Variants in ZNF143 observed in about 807,000 individuals in gnomAD.
ZNF143 encodes zinc finger protein 143.
Under a neutral mutation model 74.1 loss-of-function variants are expected in ZNF143, and 49 were observed. The ratio of observed to expected loss-of-function variants is 0.66; its 90% CI spans 0.53 to 0.84. The LOEUF is 0.84. Among genes scored for constraint, ZNF143 ranks in the 40% least tolerant of loss-of-function variants. ZNF143 has a pLI of 0.00. For missense variants in ZNF143, 637 were observed against 793.4 expected, an observed-to-expected ratio of 0.80 and a Z score of 2.37; for synonymous variants, 304 against 282.8, an observed-to-expected ratio of 1.07 and a Z score of -0.75.
Position 9,497,677 on chromosome 11 carries a change from T to C in ZNF143, c.844T>C (p.Tyr282His). The change falls in exon 10 of 16, where the codon TAT (tyrosine) becomes CAT (histidine). Residue 282 changes from tyrosine to histidine, a missense_variant and splice_region_variant. By Grantham distance (83) the Tyr-to-His change is moderately conservative. This residue lies in a region of ZNF143 where 344 missense variants were observed against 485.6 expected (regional missense o/e 0.71). Coordinates refer to ENST00000396602, the MANE Select transcript of ZNF143 (RefSeq NM_003442.6). ...AGCGKAFATG[Y>H]GLKSHVRTHT... The stretch of plus-strand genomic sequence containing the variant: ...TTTCTTTTAATTTTTTCTTAAAGGT[T>C]ATGGATTAAAAAGTCACGTCAGAAC... 1 of 1,593,564 alleles carries C rather than the reference T, an allele frequency of 6.3e-7. No individual in the cohort carries two copies. The highest frequency in any genetic ancestry group is 8.6e-7 in the Non-Finnish European group (1 of 1,167,680).
intron 1 of ZNF143, among the ~76,000 whole-genome samples, chr11:9,466,917 A>G (rs553049599): frequency 3.2e-4 from 48 of 151,684 alleles, no homozygotes; most frequent in African/African-American, 1.1e-3. Flanking sequence ...TTTTTGACAC[A>G]GAGTCTCTCT....
intron 12 of ZNF143, among the ~76,000 whole-genome samples, chr11:9,509,213 T>C (rs1302459784): frequency 6.6e-6 from 1 of 152,070 alleles, no homozygotes; most frequent in East Asian, 1.9e-4. Context: ...CCAAAGTAAA[T>C]TGGAGATACT....
Position 9,508,705 on chromosome 11 carries a change from A to G in ZNF143, c.1234A>G (p.Thr412Ala), listed in dbSNP as rs919899658. The G allele has an allele frequency of 6.2e-7, 1 of 1,614,046 alleles. No individual in the cohort carries two copies. The highest frequency in any genetic ancestry group is 1.1e-5 in the South Asian group (1 of 91,064). ...TTTGTACAAACATCATGTTGTCCAC[A>G]CTCATTCCAAACCTTACAACTGTAA... ...SSLYKHHVVHTHSKPYNCNHC... is the reference protein window; with the variant it reads ...SSLYKHHVVHAHSKPYNCNHC... The change falls in exon 12 of 16, where the codon ACT becomes GCT. Residue 412 changes from threonine (T) to alanine (A), a missense_variant. By Grantham distance (58) the Thr-to-Ala change is moderately conservative. Coordinates refer to ENST00000396602, the MANE Select transcript of ZNF143 (RefSeq NM_003442.6).
intron 13 of ZNF143, among the ~76,000 whole-genome samples, chr11:9,514,284 A>G (rs1176562165): frequency 1.3e-5 from 2 of 152,182 alleles, no homozygotes; most frequent in Middle Eastern, 3.2e-3. Flanking sequence ...TTCTTCATAT[A>G]TTCCAAAACA....
chr11:9,507,490 C>T (rs1404805899), intron 11 of ZNF143, among the ~76,000 whole-genome samples: 4 of 152,202 alleles, frequency 2.6e-5, no homozygotes, highest in Non-Finnish European at 5.9e-5. Flanking sequence ...AACAAGCCTA[C>T]TACAAATGAG....
intron 5 of ZNF143, among the ~76,000 whole-genome samples, chr11:9,475,837 C>T (rs1366565515): frequency 6.6e-6 from 1 of 151,348 alleles, no homozygotes; most frequent in Admixed American, 6.6e-5. Flanking sequence ...GTAGAGGTTG[C>T]AGTGTAGTTG....
intron 9 of ZNF143, among the ~76,000 whole-genome samples, chr11:9,496,626 T>G (rs1346280943): frequency 6.6e-6 from 1 of 151,846 alleles, no homozygotes; most frequent in African/African-American, 2.4e-5. Flanking sequence ...TGAGACAGTT[T>G]CACTCTGTCA....
intron 6 of ZNF143, 75 bp from the exon 7 acceptor site, chr11:9,479,397 C>G: frequency 2.5e-6 from 3 of 1,213,154 alleles, no homozygotes; most frequent in Non-Finnish European, 3.5e-6. Flanking sequence ...AAGCTTCTCC[C>G]TGAACCATGT....
At chr11:9,511,250 T>C (rs1003333205) in intron 12 of ZNF143, among the ~76,000 whole-genome samples, 2 of 151,440 alleles carry the variant, frequency 1.3e-5, no homozygotes, top group Non-Finnish European at 2.9e-5. Context: ...TAGCTGGTAT[T>C]ACAGGCATGC....
rs869069237 is a variant in ZNF143 at position 9,476,746 on chromosome 11, C to CT, written c.374-1613dup. Among the ~76,000 whole-genome samples the CT allele has an allele frequency of 2.0e-3, 68 of 34,840 alleles. 14 individuals carry two copies. Among genetic ancestry groups the CT allele is most frequent in the East Asian group, 5.8e-3 (6 of 1,034 alleles). The allele number at this position is 34,840 out of a possible 152,430, so 22.9% of individuals were successfully genotyped here. A position where few individuals can be genotyped will look rare whatever the true frequency, so the allele number is the denominator to read the frequency against. On this transcript the variant is annotated intron_variant, in intron 5 of 15. Coordinates refer to ENST00000396602, the MANE Select transcript of ZNF143 (RefSeq NM_003442.6). ...TTGTTGTGAAGCCAAAGGGAGGAAT[C>CT]TTTTTTTTTTTTTTTTTTTTTTTTT...
intron 7 of ZNF143, among the ~76,000 whole-genome samples, chr11:9,488,500 T>C (rs945591692): frequency 6.6e-6 from 1 of 152,184 alleles, no homozygotes; most frequent in Non-Finnish European, 1.5e-5. Context: ...TTGACCATAC[T>C]ATTCCTTCTG....
In ZNF143 at chr11:9,512,584, T is replaced by G; in HGVS notation, c.1512T>G (p.Asp504Glu). ...LSQQVTLISQ[D>E]GTQHVNISQA... The stretch of plus-strand genomic sequence containing the variant: ...AACAAGTTACACTCATATCCCAGGA[T>G]GGGACTCAGCATGTAAGTATCCACC... The change falls in exon 13 of 16, where the codon GAT (aspartate) becomes GAG (glutamate). Residue 504 changes from aspartate (D) to glutamate (E), a missense_variant. Around this residue, in one of 2 missense-constraint regions of ZNF143, gnomAD observed 344 missense variants for 485.6 expected, o/e 0.71. Coordinates refer to ENST00000396602, the MANE Select transcript of ZNF143 (RefSeq NM_003442.6). 2.5e-6 allele frequency: 4 copies of G among 1,614,210 alleles called. No individual in the cohort carries two copies. The highest frequency in any genetic ancestry group is 3.4e-6 in the Non-Finnish European group (4 of 1,180,044).
intron 15 of ZNF143, among the ~76,000 whole-genome samples, chr11:9,525,863 C>T (rs746990557): frequency 3.5e-4 from 53 of 152,206 alleles, no homozygotes; most frequent in Non-Finnish European, 5.6e-4. Context: ...TAGGTGCAGC[C>T]GGGCATGGTG....
At chr11:9,509,815 T>C (rs77197380) in intron 12 of ZNF143, among the ~76,000 whole-genome samples, 5,565 of 152,280 alleles carry the variant, frequency 0.037, 315 homozygotes, top group African/African-American at 0.12. Flanking sequence ...ACACTGTAAG[T>C]GTGCATGGTT....
chr11:9,473,023 TTTTCTAGTAAGACC>T, intron 3 of ZNF143, among the ~76,000 whole-genome samples: 1 of 152,062 alleles, frequency 6.6e-6, no homozygotes, highest in Non-Finnish European at 1.5e-5. Context: ...TGTCTTACTA[TTTTCTAGTAAGACC>T]TTTCTTGCTT....
At chr11:9,476,310 C>T (rs1317796080) in intron 5 of ZNF143, among the ~76,000 whole-genome samples, 1 of 152,108 alleles carries the variant, frequency 6.6e-6, no homozygotes, top group East Asian at 1.9e-4. Flanking sequence ...GTGCTTGTCT[C>T]ATACTAAATG....
intron 2 of ZNF143, among the ~76,000 whole-genome samples, chr11:9,472,329 T>C (rs947165832): frequency 6.6e-6 from 1 of 152,160 alleles, no homozygotes; most frequent in Non-Finnish European, 1.5e-5. Flanking sequence ...CTCGGCTCAC[T>C]GCAACCTCTG....
At chr11:9,478,065 A>C (rs1396327029) in intron 5 of ZNF143, among the ~76,000 whole-genome samples, 1 of 152,168 alleles carries the variant, frequency 6.6e-6, no homozygotes, top group Non-Finnish European at 1.5e-5. Flanking sequence ...TGACCTCGTG[A>C]TCCGCCCGCC....
At chr11:9,508,519 T>C in intron 11 of ZNF143, 100 bp from the exon 12 acceptor site, 1 of 1,047,988 alleles carries the variant, frequency 9.5e-7, no homozygotes, top group Non-Finnish European at 1.4e-6. Context: ...GGTTTGGCAA[T>C]TCTTTATTTT....
Sources: allele counts gnomAD v4.1 joint callset (sites outside exome capture counted in the v4.1 genomes callset), GRCh38; gene constraint gnomAD v4.1.1; regional missense constraint gnomAD v4.1.1; transcripts MANE v1.5; gene names NCBI Gene and HGNC (gene_info 2026-07-23, HGNC 2026-07-21).